PKIB: variants seen among roughly 807,000 people sequenced by gnomAD.
PKIB encodes the protein cAMP-dependent protein kinase inhibitor beta.
In PKIB, 2 loss-of-function variants were observed where a neutral mutation model predicts 4.5. The ratio of observed to expected loss-of-function variants is 0.44; its 90% CI spans 0.18 to 1.39. The LOEUF (loss-of-function observed/expected upper bound fraction) is 1.39. PKIB is among the 40% of genes most tolerant of loss of function. PKIB has a pLI of 0.27. For synonymous variants in PKIB, 38 were observed against 36.0 expected, an observed-to-expected ratio of 1.06 and a Z score of -0.20; for missense variants, 94 against 92.6, an observed-to-expected ratio of 1.02 and a Z score of -0.06.
At chr6:122,621,588 G>A (rs984064559) in intron 1 of PKIB, among the ~76,000 whole-genome samples, 15 of 152,316 alleles carry the variant, frequency 9.8e-5, no homozygotes, top group African/African-American at 3.4e-4. Context: ...GCCACATAAA[G>A]GGGAAGGTGT....
chr6:122,604,281 GC>G (rs1774460608), intron 3 of PKIB, among the ~76,000 whole-genome samples: 1 of 152,116 alleles, frequency 6.6e-6, no homozygotes, highest in Non-Finnish European at 1.5e-5. Context: ...TTTTAAAATT[GC>G]CATACTCCCC....
At chr6:122,704,583 C>G (rs1419387104) in intron 3 of PKIB, among the ~76,000 whole-genome samples, 1 of 151,920 alleles carries the variant, frequency 6.6e-6, no homozygotes, top group Non-Finnish European at 1.5e-5. Flanking sequence ...GGAATTGGAA[C>G]ATGAAAAAAA....
At chr6:122,558,719 T>C (rs1772922415) in intron 2 of PKIB, among the ~76,000 whole-genome samples, 1 of 151,966 alleles carries the variant, frequency 6.6e-6, no homozygotes, top group African/African-American at 2.4e-5. Context: ...CTCCTCTCTA[T>C]TTTTTTAAAT....
At chr6:122,599,509 A>G (rs563345427) in intron 3 of PKIB, among the ~76,000 whole-genome samples, 1 of 152,278 alleles carries the variant, frequency 6.6e-6, no homozygotes, top group East Asian at 1.9e-4. Flanking sequence ...TCTACAGGAG[A>G]TAAGACTCAC....
At chr6:122,593,301 C>A (rs1394891612) in intron 3 of PKIB, among the ~76,000 whole-genome samples, 2 of 152,098 alleles carry the variant, frequency 1.3e-5, no homozygotes, top group Non-Finnish European at 2.9e-5. Flanking sequence ...AAGTTGGCTG[C>A]AGCAAGTTTA....
At chr6:122,587,632 C>A (rs946354823) in intron 3 of PKIB, among the ~76,000 whole-genome samples, 1 of 152,180 alleles carries the variant, frequency 6.6e-6, no homozygotes, top group Non-Finnish European at 1.5e-5. Flanking sequence ...AACTAGTTTA[C>A]AGCCCCACCA....
intron 3 of PKIB, among the ~76,000 whole-genome samples, chr6:122,692,916 A>G (rs888289460): frequency 1.3e-5 from 2 of 152,248 alleles, no homozygotes; most frequent in Non-Finnish European, 1.5e-5. Flanking sequence ...TTTGAATTTT[A>G]ATCTTGGCAA....
chr6:122,660,182 G>A (rs896993589), intron 2 of PKIB, among the ~76,000 whole-genome samples: 2 of 152,154 alleles, frequency 1.3e-5, no homozygotes, highest in Non-Finnish European at 2.9e-5. Flanking sequence ...ACCAATTAAG[G>A]TGGGTTTCTC....
rs187917877 is a variant in PKIB at position 122,492,280 on chromosome 6, C to T, written c.-248+14341C>T. 3.3e-3 allele frequency among the ~76,000 whole-genome samples: 502 copies of T among 152,188 alleles called. 1 individual carries two copies. Among genetic ancestry groups the T allele is most frequent in the African/African-American group, 0.011 (474 of 41,522 alleles). On this transcript the variant is annotated intron_variant, in intron 2 of 6. Transcript: ENST00000392491. ...CATATTGAGAGAATCTCTGGTTGTT[C>T]GTGGGTAGTGTTCATGGGACAAAAA...
upstream of PKIB, among the ~76,000 whole-genome samples, chr6:122,606,428 A>G (rs1377851226): frequency 1.3e-5 from 2 of 151,988 alleles, no homozygotes; most frequent in African/African-American, 4.8e-5. Context: ...AAAAATTAGC[A>G]GGGTGTGGTG....
chr6:122,658,716 CCTATCTCAGGACCACTACTGGCTGCAA>C (rs1292248276), intron 2 of PKIB, among the ~76,000 whole-genome samples: 1 of 151,504 alleles, frequency 6.6e-6, no homozygotes, highest in Non-Finnish European at 1.5e-5. Flanking sequence ...CAAAAGCAGA[CCTATCTCAGGACCACTACTGGCTGCAA>C]CATCCTCTTA....
intron 2 of PKIB, among the ~76,000 whole-genome samples, chr6:122,649,963 T>C (rs776844918): frequency 3.9e-5 from 6 of 152,194 alleles, no homozygotes; most frequent in Non-Finnish European, 8.8e-5. Flanking sequence ...GAAGCTTACA[T>C]GGCAGCTTGG....
At chr6:122,576,496 G>A (rs1407327346) in intron 2 of PKIB, among the ~76,000 whole-genome samples, 4 of 151,292 alleles carry the variant, frequency 2.6e-5, no homozygotes, top group Non-Finnish European at 2.9e-5. Context: ...GTGAAACCCC[G>A]TTTCTACTAA....
At chr6:122,487,175 T>C (rs1775791466) in intron 2 of PKIB, among the ~76,000 whole-genome samples, 2 of 152,180 alleles carry the variant, frequency 1.3e-5, no homozygotes, top group East Asian at 1.9e-4. Context: ...AATAAATAAA[T>C]AGTTTATCTG....
In PKIB at chr6:122,717,938, A is replaced by G; in HGVS notation, c.144A>G (p.Lys48=). The change falls in exon 4 of 5, where the codon AAA becomes AAG. Residue 48 remains lysine, a synonymous_variant. Coordinates refer to ENST00000368452, the MANE Select transcript of PKIB (RefSeq NM_181795.3). The stretch of plus-strand genomic sequence containing the variant: ...ACGGAACCTCAGATTTGCCCCTCAA[A>G]CTGGAGGCTCTCTCCGTGAAGGAAG... ...ATDGTSDLPL[K]LEALSVKEDA... 1.2e-6 allele frequency: 2 copies of G among 1,613,608 alleles called. No individual in the cohort carries two copies. Among genetic ancestry groups the G allele is most frequent in the Non-Finnish European group, 1.7e-6 (2 of 1,179,592 alleles).
At chr6:122,509,525 G>A (rs1051808000) in intron 2 of PKIB, among the ~76,000 whole-genome samples, 3 of 151,726 alleles carry the variant, frequency 2.0e-5, no homozygotes, top group African/African-American at 4.8e-5. Flanking sequence ...CTGCCTCCCA[G>A]GTTTGCGCCA....
intron 2 of PKIB, among the ~76,000 whole-genome samples, chr6:122,530,012 A>C (rs74645614): frequency 6.6e-6 from 1 of 151,880 alleles, no homozygotes; most frequent in Non-Finnish European, 1.5e-5. Context: ...TTATTTTTTC[A>C]AATAAGCTCT....
intron 3 of PKIB, among the ~76,000 whole-genome samples, chr6:122,600,288 C>A (rs564844528): frequency 2.4e-4 from 37 of 152,088 alleles, no homozygotes; most frequent in Non-Finnish European, 5.3e-4. Context: ...TAGATTGTGG[C>A]CACCAGATTA....
intron 3 of PKIB, among the ~76,000 whole-genome samples, chr6:122,715,990 A>T (rs1027773606): frequency 3.9e-5 from 6 of 152,134 alleles, no homozygotes; most frequent in African/African-American, 9.7e-5. Context: ...TCATGGGATT[A>T]TTGGGAGGTT....
Sources: allele counts gnomAD v4.1 joint callset (sites outside exome capture counted in the v4.1 genomes callset), GRCh38; gene constraint gnomAD v4.1.1; transcripts MANE v1.5; gene names NCBI Gene and HGNC (gene_info 2026-07-23, HGNC 2026-07-21).